The following STPG2 variants were observed in gnomAD, a reference collection of about 807,000 sequenced individuals.
STPG2 encodes the protein sperm tail PG-rich repeat containing 2.
Under a neutral mutation model 54.2 loss-of-function variants are expected in STPG2, and 56 were observed. The observed-to-expected ratio is 1.03, with a 90% CI of 0.83 to 1.29. The LOEUF (loss-of-function observed/expected upper bound fraction) is 1.29, where lower values mean the gene tolerates loss of function less well. Ranked by LOEUF, STPG2 falls within the 50% of genes most tolerant of loss-of-function variation. The pLI is 0.00. For missense variants in STPG2, 596 were observed against 544.9 expected, an observed-to-expected ratio of 1.09 and a Z score of -0.93; for synonymous variants, 200 against 181.8, an observed-to-expected ratio of 1.10 and a Z score of -0.81.
At chr4:98,011,956 A>G (rs978912705) in intron 5 of STPG2, among the ~76,000 whole-genome samples, 9 of 152,116 alleles carry the variant, frequency 5.9e-5, no homozygotes, top group Non-Finnish European at 1.3e-4. Context: ...GAAGCTCTTT[A>G]GTTTAAATAG....
At chr4:98,117,469 T>C (rs1739553782) in intron 3 of STPG2, among the ~76,000 whole-genome samples, 1 of 152,012 alleles carries the variant, frequency 6.6e-6, no homozygotes, top group African/African-American at 2.4e-5. Context: ...TTCATCAAAT[T>C]TGGGATGTTT....
intron 9 of STPG2, among the ~76,000 whole-genome samples, chr4:97,716,867 T>C (rs902976045): frequency 2.6e-5 from 4 of 151,844 alleles, no homozygotes; most frequent in African/African-American, 9.7e-5. Context: ...GTATCCCAGA[T>C]CTTAAAGTAC....
chr4:97,954,654 A>G (rs1023406669), intron 7 of STPG2, among the ~76,000 whole-genome samples: 10 of 152,246 alleles, frequency 6.6e-5, no homozygotes, highest in African/African-American at 2.4e-4. Context: ...ACCAAGAGGT[A>G]AATTAAGTAA....
At chr4:97,986,761 T>C (rs1191808807) in intron 5 of STPG2, among the ~76,000 whole-genome samples, 1 of 152,200 alleles carries the variant, frequency 6.6e-6, no homozygotes, top group Non-Finnish European at 1.5e-5. Flanking sequence ...TCCTAGACCA[T>C]GTCTATTTCC....
intron 10 of STPG2, among the ~76,000 whole-genome samples, chr4:97,647,622 C>T (rs537882193): frequency 6.6e-6 from 1 of 152,178 alleles, no homozygotes; most frequent in African/African-American, 2.4e-5. Flanking sequence ...GTCAAGGTCC[C>T]AAAAGGGGCT....
chr4:97,734,276 T>A (rs1442934794), intron 9 of STPG2, among the ~76,000 whole-genome samples: 1 of 152,234 alleles, frequency 6.6e-6, no homozygotes, highest in Non-Finnish European at 1.5e-5. Flanking sequence ...ATTTTTTAAC[T>A]TTTATTTCAA....
chr4:97,852,745 A>T (rs767664657), intron 8 of STPG2, among the ~76,000 whole-genome samples: 19 of 152,140 alleles, frequency 1.2e-4, no homozygotes, highest in Admixed American at 2.0e-4. Context: ...AAAGGAGAAA[A>T]ATCAAGATGA....
chr4:97,904,623 C>G lies in STPG2; in HGVS notation c.1044+39274G>C, dbSNP rs529049611. On this transcript the variant is annotated intron_variant, in intron 8 of 10. Transcript: ENST00000295268. ...CTGGACAGAGAATGACTTTGACGAG[C>G]TGATAGAAGAAGGATTCAGATAATC... 1.4e-3 allele frequency among the ~76,000 whole-genome samples: 217 copies of G among 152,262 alleles called. 1 individual carries two copies. In the South Asian group the frequency reaches 0.014, roughly 10 times the overall value.
At chr4:97,967,914 T>G (rs1046078337) in intron 7 of STPG2, among the ~76,000 whole-genome samples, 3 of 151,678 alleles carry the variant, frequency 2.0e-5, no homozygotes, top group Non-Finnish European at 2.9e-5. Flanking sequence ...GCAGAAAAGA[T>G]CTAAAATCAA....
chr4:97,978,103 GAA>G (rs1734553725), intron 6 of STPG2, among the ~76,000 whole-genome samples: 1 of 152,072 alleles, frequency 6.6e-6, no homozygotes, highest in African/African-American at 2.4e-5. Context: ...TAGATAGAAG[GAA>G]AAGAGTTTAT....
chr4:97,732,632 C>T (rs535681116), intron 9 of STPG2, among the ~76,000 whole-genome samples: 1 of 152,118 alleles, frequency 6.6e-6, no homozygotes, highest in South Asian at 2.1e-4. Flanking sequence ...AAACAGACAA[C>T]CCACAAGAAA....
chr4:97,776,693 C>G (rs1473162016), intron 9 of STPG2, among the ~76,000 whole-genome samples: 1 of 151,948 alleles, frequency 6.6e-6, no homozygotes, highest in African/African-American at 2.4e-5. Context: ...AAGGACATTG[C>G]CTATAGGAAA....
intron 10 of STPG2, among the ~76,000 whole-genome samples, chr4:97,605,299 A>G (rs1733566098): frequency 6.6e-6 from 1 of 151,816 alleles, no homozygotes; most frequent in African/African-American, 2.4e-5. Context: ...AAAAATTTAC[A>G]TAAAGTACTT....
At position 97,905,334 on chromosome 4, in the gene STPG2, C is replaced by G. The variant is rs368084304; in HGVS notation, c.1044+38563G>C. ...CTTAAAGAAAAGAATTTTCAACCCA[C>G]AATTTCATATCCAGCCAAACTAAGC... On this transcript the variant is annotated intron_variant, in intron 8 of 10. Coordinates refer to ENST00000295268, the MANE Select transcript of STPG2 (RefSeq NM_174952.3). Among the ~76,000 whole-genome samples, 140 of 152,150 alleles carry G rather than the reference C, an allele frequency of 9.2e-4. 1 individual carries two copies. In the South Asian group the frequency reaches 0.021, roughly 23 times the overall value.
chr4:97,553,265 T>G (rs1732006167), intron 4 of STPG2, among the ~76,000 whole-genome samples: 1 of 152,230 alleles, frequency 6.6e-6, no homozygotes, highest in South Asian at 2.1e-4. Context: ...TTTTTTCTAC[T>G]TGCTTTCACA....
chr4:97,555,912 A>ATATTTATCATTCCACAAAGG (rs1434563907), downstream of STPG2, among the ~76,000 whole-genome samples: 1 of 152,088 alleles, frequency 6.6e-6, no homozygotes, highest in African/African-American at 2.4e-5. Context: ...TCAGCTACAT[A>ATATTTATCATTCCACAAAGG]TATTTATCAT....
intron 2 of STPG2, among the ~76,000 whole-genome samples, chr4:98,133,944 A>G (rs1740067063): frequency 6.6e-6 from 1 of 152,038 alleles, no homozygotes; most frequent in South Asian, 2.1e-4. Flanking sequence ...CTGTGCAGAA[A>G]CAGGAGACAG....
At chr4:97,988,966 GATA>G (rs1212195500) in intron 5 of STPG2, among the ~76,000 whole-genome samples, 2 of 151,970 alleles carry the variant, frequency 1.3e-5, no homozygotes, top group Admixed American at 6.6e-5. Flanking sequence ...TTTTTAAACT[GATA>G]ATAATTTGAA....
chr4:97,946,261 G>C (rs942197215), intron 7 of STPG2, among the ~76,000 whole-genome samples: 3 of 151,876 alleles, frequency 2.0e-5, no homozygotes, highest in Non-Finnish European at 2.9e-5. Context: ...TTTCTTGCTG[G>C]TTTGTTTGAG....
Sources: gnomAD v4.1 joint callset for allele counts (sites outside exome capture counted in the v4.1 genomes callset) on GRCh38, gnomAD v4.1.1 for gene constraint, MANE v1.5 for transcripts, NCBI Gene and HGNC (gene_info 2026-07-23, HGNC 2026-07-21) for gene names.